The following STXBP5L variants were observed in gnomAD, a reference collection of about 807,000 sequenced individuals.
STXBP5L encodes syntaxin-binding protein 5-like.
STXBP5L carries 65 observed loss-of-function variants against 144.5 expected under a neutral mutation model. The ratio of observed to expected loss-of-function variants is 0.45; its 90% CI spans 0.37 to 0.55. The LOEUF is 0.55. Among genes scored for constraint, STXBP5L ranks in the 20% least tolerant of loss-of-function variants. The pLI is 0.00. For synonymous variants in STXBP5L, 505 were observed against 469.6 expected, an observed-to-expected ratio of 1.08 and a Z score of -0.97; for missense variants, 1,298 against 1,405.5, an observed-to-expected ratio of 0.92 and a Z score of 1.22.
chr3:121,296,769 G>T (rs889682844), intron 19 of STXBP5L, among the ~76,000 whole-genome samples: 4 of 152,058 alleles, frequency 2.6e-5, no homozygotes, highest in African/African-American at 9.7e-5. Context: ...CCTATAGATT[G>T]GAATTTGAAA....
intron 3 of STXBP5L, among the ~76,000 whole-genome samples, chr3:121,028,531 C>A (rs1221677096): frequency 2.6e-5 from 4 of 152,020 alleles, no homozygotes; most frequent in Non-Finnish European, 5.9e-5. Flanking sequence ...CAGGTTGTCC[C>A]TTACATTTTC....
At chr3:121,407,658 A>G (rs1421237337) in intron 23 of STXBP5L, 55 bp downstream of exon 23, 10 of 1,603,186 alleles carry the variant, frequency 6.2e-6, no homozygotes, top group East Asian at 2.2e-5. Context: ...GCAAGGTACA[A>G]TCCTAAAAAA....
chr3:120,978,841 G>A (rs190737600), intron 3 of STXBP5L, among the ~76,000 whole-genome samples: 18,265 of 152,180 alleles, frequency 0.12, 1,156 homozygotes, highest in Non-Finnish European at 0.14. Flanking sequence ...TATCAGCAGC[G>A]GTGGCTGCAG....
At chr3:121,205,407 C>T (rs1277028584) in intron 9 of STXBP5L, among the ~76,000 whole-genome samples, 1 of 152,194 alleles carries the variant, frequency 6.6e-6, no homozygotes, top group Non-Finnish European at 1.5e-5. Context: ...CCCACTCTCA[C>T]AATAACTGTA....
At chr3:121,312,650 G>A (rs533877461) in intron 19 of STXBP5L, among the ~76,000 whole-genome samples, 2 of 150,948 alleles carry the variant, frequency 1.3e-5, no homozygotes, top group Admixed American at 6.6e-5. Context: ...AGATTAGGGA[G>A]TGGTGATGAC....
At chr3:120,948,418 A>G (rs867412037) in intron 2 of STXBP5L, among the ~76,000 whole-genome samples, 3 of 151,256 alleles carry the variant, frequency 2.0e-5, no homozygotes, top group African/African-American at 7.3e-5. Context: ...TCCCATTTTT[A>G]TTTCAATAGT....
intron 7 of STXBP5L, among the ~76,000 whole-genome samples, chr3:121,132,959 T>C (rs1293868559): frequency 6.6e-6 from 1 of 151,858 alleles, no homozygotes; most frequent in Non-Finnish European, 1.5e-5. Context: ...GAAAACAGAA[T>C]GAAGAACAGG....
chr3:120,972,867 C>T (rs925931450), intron 3 of STXBP5L, among the ~76,000 whole-genome samples: 7 of 151,996 alleles, frequency 4.6e-5, no homozygotes, highest in African/African-American at 9.7e-5. Flanking sequence ...TGTGGTGAAT[C>T]AAATTTATTG....
chr3:121,297,237 T>TGA (rs1385905601), intron 19 of STXBP5L, among the ~76,000 whole-genome samples: 1 of 144,822 alleles, frequency 6.9e-6, no homozygotes, highest in East Asian at 1.9e-4. Flanking sequence ...TGTGTGTGTG[T>TGA]GTGATATTCC....
intron 11 of STXBP5L, among the ~76,000 whole-genome samples, chr3:121,230,686 T>G (rs2049277943): frequency 6.6e-6 from 1 of 152,208 alleles, no homozygotes; most frequent in South Asian, 2.1e-4. Context: ...ACAACCAGAC[T>G]TGTACATGCA....
chr3:121,207,939 T>A (rs1381328707), intron 10 of STXBP5L, among the ~76,000 whole-genome samples: 1 of 152,018 alleles, frequency 6.6e-6, no homozygotes, highest in Non-Finnish European at 1.5e-5. Flanking sequence ...TCCTCAGGGA[T>A]CTAGTACTAG....
At chr3:121,131,191 G>T (rs186266921) in intron 7 of STXBP5L, among the ~76,000 whole-genome samples, 8 of 152,106 alleles carry the variant, frequency 5.3e-5, no homozygotes, top group Non-Finnish European at 1.2e-4. Flanking sequence ...AATAATACAC[G>T]AAACAAGAGG....
At chr3:121,052,947 A>T (rs941727300) in intron 5 of STXBP5L, among the ~76,000 whole-genome samples, 4 of 151,864 alleles carry the variant, frequency 2.6e-5, no homozygotes, top group Admixed American at 6.6e-5. Context: ...TCTTATACAC[A>T]AATAACAGAC....
At chr3:121,204,510 A>C (rs1401885089) in intron 9 of STXBP5L, among the ~76,000 whole-genome samples, 2 of 152,208 alleles carry the variant, frequency 1.3e-5, no homozygotes, top group Non-Finnish European at 1.5e-5. Flanking sequence ...AAACAAGTTG[A>C]ATAAAGCTAT....
chr3:121,168,514 A>T (rs1239590571), intron 9 of STXBP5L, among the ~76,000 whole-genome samples: 1 of 152,220 alleles, frequency 6.6e-6, no homozygotes, highest in Non-Finnish European at 1.5e-5. Flanking sequence ...ATGGAGCTGA[A>T]AAACACGACA....
At chr3:121,275,151 T>A (rs2050843536) in intron 18 of STXBP5L, among the ~76,000 whole-genome samples, 1 of 152,188 alleles carries the variant, frequency 6.6e-6, no homozygotes, top group South Asian at 2.1e-4. Context: ...TCCTGTACTT[T>A]TAATTAAGTC....
intron 22 of STXBP5L, among the ~76,000 whole-genome samples, chr3:121,385,724 A>G (rs2108689837): frequency 6.6e-6 from 1 of 152,104 alleles, no homozygotes; most frequent in East Asian, 1.9e-4. Context: ...TATTATTTTC[A>G]TCATTGAATT....
At chr3:121,017,174 G>GA (rs1945201172) in intron 3 of STXBP5L, among the ~76,000 whole-genome samples, 1 of 152,032 alleles carries the variant, frequency 6.6e-6, no homozygotes, top group South Asian at 2.1e-4. Flanking sequence ...ACAGGCTACA[G>GA]AAAAAACAAT....
intron 3 of STXBP5L, among the ~76,000 whole-genome samples, chr3:121,016,122 T>G (rs1945130535): frequency 1.3e-5 from 2 of 152,168 alleles, no homozygotes; most frequent in Admixed American, 1.3e-4. Flanking sequence ...TTACACAGAT[T>G]AACGTAAATA....
Sources: allele counts gnomAD v4.1 joint callset (sites outside exome capture counted in the v4.1 genomes callset), GRCh38; gene constraint gnomAD v4.1.1; transcripts MANE v1.5; gene names NCBI Gene and HGNC (gene_info 2026-07-23, HGNC 2026-07-21).